KDM3B: variants seen among roughly 807,000 people sequenced by gnomAD.
The protein encoded by KDM3B is lysine-specific demethylase 3B.
A neutral mutation model predicts 170.0 loss-of-function variants in KDM3B; 10 were observed. That is an observed-to-expected ratio of 0.06 (90% CI 0.04 to 0.10). KDM3B has a LOEUF of 0.10. KDM3B is among the 10% of genes least tolerant of loss of function. The pLI, the probability that KDM3B is intolerant of heterozygous loss-of-function variation, is 1.00. For synonymous variants in KDM3B, 831 were observed against 834.8 expected (o/e 1.00, Z 0.08); for missense variants, 1,394 against 2,195.2 (o/e 0.64, Z 7.29).
At chr5:138,411,457 G>A (rs904866600) in intron 11 of KDM3B, among the ~76,000 whole-genome samples, 1 of 152,102 alleles carries the variant, frequency 6.6e-6, no homozygotes, top group South Asian at 2.1e-4. Context: ...TATTATACTG[G>A]AACAGCTCGT....
At chr5:138,354,329 A>G (rs1345545563) in intron 1 of KDM3B, among the ~76,000 whole-genome samples, 1 of 152,216 alleles carries the variant, frequency 6.6e-6, no homozygotes, top group Non-Finnish European at 1.5e-5. Flanking sequence ...TGGAATGATG[A>G]TTAAGACTGG....
chr5:138,377,009 G>C (rs1014706309), intron 3 of KDM3B, among the ~76,000 whole-genome samples: 1 of 152,202 alleles, frequency 6.6e-6, no homozygotes, highest in South Asian at 2.1e-4. Context: ...GACCAGAGCA[G>C]TTATTTCCTA....
intron 11 of KDM3B, among the ~76,000 whole-genome samples, chr5:138,407,604 A>T (rs570474174): frequency 2.0e-5 from 3 of 152,198 alleles, no homozygotes; most frequent in African/African-American, 7.2e-5. Context: ...ACCTCGTCCC[A>T]GATATCAAGG....
chr5:138,408,764 ATATT>A (rs1276594064), intron 11 of KDM3B, among the ~76,000 whole-genome samples: 5 of 152,228 alleles, frequency 3.3e-5, no homozygotes, highest in African/African-American at 1.2e-4. Context: ...GCAGTCCACT[ATATT>A]AGTAGACTAA....
intron 13 of KDM3B, 43 bp from the exon 14 acceptor site, chr5:138,418,910 C>T: frequency 6.3e-7 from 1 of 1,589,698 alleles, no homozygotes; most frequent in Non-Finnish European, 8.6e-7. Flanking sequence ...TTTTTTTCTA[C>T]CCAAGCACAG....
At chr5:138,385,544 C>T (rs964092918) in intron 6 of KDM3B, among the ~76,000 whole-genome samples, 1 of 152,220 alleles carries the variant, frequency 6.6e-6, no homozygotes, top group African/African-American at 2.4e-5. Flanking sequence ...GTTCACTTTT[C>T]CTTTGGTCAC....
At chr5:138,428,772 CCAGGACCTT>C (rs1763457948) in intron 20 of KDM3B, among the ~76,000 whole-genome samples, 1 of 152,046 alleles carries the variant, frequency 6.6e-6, no homozygotes, top group Non-Finnish European at 1.5e-5. Flanking sequence ...GATGATAAAG[CCAGGACCTT>C]CATAAAAATG....
intron 6 of KDM3B, among the ~76,000 whole-genome samples, chr5:138,385,683 A>G (rs566018954): frequency 1.3e-5 from 2 of 152,374 alleles, no homozygotes; most frequent in Admixed American, 1.3e-4. Flanking sequence ...CAAGGGGTAA[A>G]TGAGCTCCCA....
chr5:138,435,796 C>A lies in KDM3B; in HGVS notation c.*96C>A. On this transcript the variant is annotated 3_prime_UTR_variant, in exon 24 of 24. Coordinates refer to ENST00000314358, the MANE Select transcript of KDM3B (RefSeq NM_016604.4). ...GCTCTTTGCTGGAGCAGAGGCCCTT[C>A]ACCCAGAGCCAGTGTGGTCAGTATT... is the stretch of plus-strand genomic sequence containing the variant. 1 of 917,026 alleles carries A rather than the reference C, an allele frequency of 1.1e-6. No homozygotes were observed. Among genetic ancestry groups the A allele is most frequent in the Non-Finnish European group, 1.7e-6 (1 of 580,090 alleles). 56.8% of individuals were successfully genotyped at this position (917,026 alleles called of 1,614,324 possible).
Position 138,374,420 on chromosome 5 carries a change from G to A in KDM3B, c.361-673G>A, listed in dbSNP as rs371391189. ...ATTACAGGCGCCCACCACCACTCCC[G>A]GCTTATTTTTTGTATTTTTAGTAGA... is the stretch of plus-strand genomic sequence containing the variant. On this transcript the variant is annotated intron_variant, in intron 2 of 23. Coordinates refer to ENST00000314358, the MANE Select transcript of KDM3B (RefSeq NM_016604.4). The A allele has an allele frequency of 7.8e-5, 23 of 296,524 alleles. No homozygotes were observed. In the East Asian group the frequency reaches 1.9e-3, roughly 24 times the overall value. The allele number at this position is 296,524 out of a possible 1,614,324, so 18.4% of individuals were successfully genotyped here.
At chr5:138,389,331 T>C (rs1762362461) in intron 7 of KDM3B, among the ~76,000 whole-genome samples, 1 of 152,254 alleles carries the variant, frequency 6.6e-6, no homozygotes, top group Non-Finnish European at 1.5e-5. Flanking sequence ...ATGCTACTCC[T>C]CAAGGAAATC....
chr5:138,400,572 C>T (rs1762657650), intron 11 of KDM3B, among the ~76,000 whole-genome samples: 4 of 151,904 alleles, frequency 2.6e-5, no homozygotes. Context: ...ACAGCAAGAC[C>T]CCATCTCTAC....
chr5:138,393,385 CTG>C lies in KDM3B; in HGVS notation c.2831+15_2831+16del. On this transcript the variant is annotated intron_variant, in intron 9 of 23. Transcript: ENST00000314358. ...TTCACTTCCGGAGGTACCCAAACTC[CTG>C]TTTTCCTCCTTTGCTAGTTTTCATT... 1 of 1,606,428 alleles carries C rather than the reference CTG, an allele frequency of 6.2e-7. No individual in the cohort carries two copies. The highest frequency in any genetic ancestry group is 8.5e-7 in the Non-Finnish European group (1 of 1,174,216).
At chr5:138,435,567 C>T (rs1580968768) in intron 23 of KDM3B, 53 bp from the exon 24 acceptor site, 17 of 1,407,040 alleles carry the variant, frequency 1.2e-5, no homozygotes, top group Non-Finnish European at 1.5e-5. Context: ...CAAGGTAGAA[C>T]GTACATTTGC....
At chr5:138,389,150 G>C (rs1762357705) in intron 7 of KDM3B, among the ~76,000 whole-genome samples, 1 of 152,212 alleles carries the variant, frequency 6.6e-6, no homozygotes, top group Non-Finnish European at 1.5e-5. Flanking sequence ...GGCTGTGTCT[G>C]TTCTTTTTCT....
intron 23 of KDM3B, among the ~76,000 whole-genome samples, chr5:138,432,663 C>T (rs878945515): frequency 6.6e-6 from 1 of 151,994 alleles, no homozygotes; most frequent in African/African-American, 2.4e-5. Context: ...AGCGAGACAC[C>T]GTCTCAAAGA....
chr5:138,425,678 G>A, intron 17 of KDM3B, 96 bp downstream of exon 17: 1 of 1,085,996 alleles, frequency 9.2e-7, no homozygotes, highest in Non-Finnish European at 1.3e-6. Context: ...ATATTCTGGG[G>A]CATAATGGGA....
At chr5:138,389,159 C>T (rs952330762) in intron 7 of KDM3B, among the ~76,000 whole-genome samples, 6 of 152,162 alleles carry the variant, frequency 3.9e-5, no homozygotes, top group Non-Finnish European at 7.3e-5. Context: ...TGTTCTTTTT[C>T]TCTATTGTAG....
chr5:138,388,173 A>G (rs557126857), intron 7 of KDM3B, among the ~76,000 whole-genome samples: 1 of 152,354 alleles, frequency 6.6e-6, no homozygotes, highest in South Asian at 2.1e-4. Flanking sequence ...ACATGCTATA[A>G]AAGAGATCCA....
Sources: allele counts gnomAD v4.1 joint callset (sites outside exome capture counted in the v4.1 genomes callset), GRCh38; gene constraint gnomAD v4.1.1; transcripts MANE v1.5; gene names NCBI Gene and HGNC (gene_info 2026-07-23, HGNC 2026-07-21).